The following B4GALT2 variants were observed in gnomAD, a reference collection of about 807,000 sequenced individuals.
B4GALT2 encodes the protein beta-1,4-galactosyltransferase 2.
B4GALT2 carries 18 observed loss-of-function variants against 33.2 expected under a neutral mutation model. The ratio of observed to expected loss-of-function variants is 0.54; its 90% CI spans 0.38 to 0.80. The LOEUF is 0.80. B4GALT2 is among the 30% of genes least tolerant of loss of function. The pLI is 0.00. For synonymous variants in B4GALT2, 214 were observed against 217.6 expected, an observed-to-expected ratio of 0.98 and a Z score of 0.15; for missense variants, 404 against 526.2, an observed-to-expected ratio of 0.77 and a Z score of 2.27.
intron 4 of B4GALT2, 83 bp downstream of exon 4, chr1:43,985,138 C>T: frequency 1.3e-6 from 2 of 1,578,906 alleles, no homozygotes; most frequent in Non-Finnish European, 8.6e-7. Context: ...GCCCCGCTTG[C>T]TCCTGGCTGT....
At chr1:43,989,242 AG>A (rs2085694827) in intron 6 of B4GALT2, among the ~76,000 whole-genome samples, 1 of 149,030 alleles carries the variant, frequency 6.7e-6, no homozygotes, top group Non-Finnish European at 1.5e-5. Flanking sequence ...GCTACTCAGA[AG>A]GCTGAGGCAG....
At chr1:43,980,426 G>C (rs1332135367) in intron 1 of B4GALT2, 14 of 520,212 alleles carry the variant, frequency 2.7e-5, no homozygotes, top group Non-Finnish European at 3.3e-5. Context: ...TTGACGTTTT[G>C]CTCCAGTGGG....
chr1:43,990,411 A>G lies in B4GALT2; in HGVS notation c.1082A>G (p.Asp361Gly). ...CCACTCTTCACCAATATCACAGTGG[A>G]CATTGGGCGGCCTCCGTCGTGGCCC... ...RQPLFTNITV[D>G]IGRPPSWPPR... The change falls in exon 7 of 7, where the codon GAC becomes GGC. Residue 361 changes from aspartate (D) to glycine (G), a missense_variant. Transcript: ENST00000372324. The G allele has an allele frequency of 6.2e-7, 1 of 1,614,098 alleles. No individual in the cohort carries two copies. Among genetic ancestry groups the G allele is most frequent in the African/African-American group, 1.3e-5 (1 of 75,012 alleles).
In B4GALT2 at chr1:43,982,922, T is replaced by G. The variant is rs2085616046; in HGVS notation, c.549+998T>G. On this transcript the variant is annotated intron_variant, in intron 3 of 6. Transcript: ENST00000372324. This position sits in a 1 kb window ranked among gnomAD's most constrained non-coding sequence, Gnocchi z 4.3. ...ATGCCCAGGAAAGAGGCGGTGACCC[T>G]GCGGATGTGTGGGGCGGGAGTCGCG... Among the ~76,000 whole-genome samples, 1 of 152,118 alleles carries G rather than the reference T, an allele frequency of 6.6e-6. No homozygotes were observed. The highest frequency in any genetic ancestry group is 2.1e-4 in the South Asian group (1 of 4,828).
In B4GALT2 at chr1:43,981,977, C is replaced by T. The variant is rs2085604664; in HGVS notation, c.549+53C>T. 21 of 1,561,098 alleles carry T rather than the reference C, an allele frequency of 1.3e-5. No homozygotes were observed. Among genetic ancestry groups the T allele is most frequent in the South Asian group, 4.6e-5 (4 of 87,840 alleles). On this transcript the variant is annotated intron_variant, in intron 3 of 6. Transcript: ENST00000372324. The surrounding 1 kb of genome is among the most constrained non-coding windows in gnomAD (Gnocchi z 8.1). ...TTGGTGTATATATGTGGGTTGGGGG[C>T]GTTTGTGGGTCCTTGTCTGCCCGTG...
chr1:43,985,677 A>G, intron 6 of B4GALT2, 56 bp downstream of exon 6: 1 of 1,537,880 alleles, frequency 6.5e-7, no homozygotes, highest in Non-Finnish European at 9.0e-7. Context: ...AATATCCCCA[A>G]CTCTTGACCC....
Position 43,981,769 on chromosome 1 carries a change from G to A in B4GALT2, c.394G>A (p.Gly132Ser), listed in dbSNP as rs1397383689. 5 of 1,613,560 alleles carry A rather than the reference G, an allele frequency of 3.1e-6. No homozygotes were observed. The highest frequency in any genetic ancestry group is 3.4e-6 in the Non-Finnish European group (4 of 1,180,008). The change falls in exon 3 of 7, where the codon GGC becomes AGC. Residue 132 changes from glycine (G) to serine (S), a missense_variant. Coordinates refer to ENST00000372324, the MANE Select transcript of B4GALT2 (RefSeq NM_003780.5). This position sits in a 1 kb window ranked among gnomAD's most constrained non-coding sequence, Gnocchi z 8.1. The part of the protein sequence containing the change: ...QRENPGVLMG[G>S]RYTPPDCTPA... ...GGAGAACCCAGGCGTGCTCATGGGC[G>A]GCCGATACACACCGCCCGACTGCAC...
chr1:43,985,426 G>T lies in B4GALT2; in HGVS notation c.863+26G>T, dbSNP rs201941315. 9.4e-4 allele frequency: 1,186 copies of T among 1,255,500 alleles called. 11 individuals carry two copies. Among genetic ancestry groups the T allele is most frequent in the Non-Finnish European group, 3.7e-4 (335 of 915,586 alleles). The allele number at this position is 1,255,500 out of a possible 1,614,324, so 77.8% of individuals were successfully genotyped here. A position where few individuals can be genotyped will look rare whatever the true frequency, so the allele number is the denominator to read the frequency against. Reference sequence around the variant, plus strand: ...GTGAGTAAGCACGCGGTGGGGAATAGGCTGGGTGGGGGGGGGAGGGGGGGT... The same window carrying T: ...GTGAGTAAGCACGCGGTGGGGAATATGCTGGGTGGGGGGGGGAGGGGGGGT... On this transcript the variant is annotated intron_variant, in intron 5 of 6. Coordinates refer to ENST00000372324, the MANE Select transcript of B4GALT2 (RefSeq NM_003780.5).
At chr1:43,986,577 T>C (rs2085661470) in intron 6 of B4GALT2, among the ~76,000 whole-genome samples, 1 of 152,174 alleles carries the variant, frequency 6.6e-6, no homozygotes, top group African/African-American at 2.4e-5. Flanking sequence ...TCTGAAACTA[T>C]TTGGTTTTAA....
In B4GALT2 at chr1:43,981,102, T is replaced by G; in HGVS notation, c.-52-7T>G. On this transcript the variant is annotated splice_region_variant and splice_polypyrimidine_tract_variant and intron_variant, in intron 1 of 6. Coordinates refer to ENST00000372324, the MANE Select transcript of B4GALT2 (RefSeq NM_003780.5). The surrounding 1 kb of genome is among the most constrained non-coding windows in gnomAD (Gnocchi z 8.1). The stretch of plus-strand genomic sequence containing the variant: ...TGCTGGATCTGTTTCCCTCCCACCC[T>G]GCTCAGGCCAGCAGCCGGATGCCCG... 6.4e-7 allele frequency: 1 copy of G among 1,568,806 alleles called. No individual in the cohort carries two copies. The highest frequency in any genetic ancestry group is 8.6e-7 in the Non-Finnish European group (1 of 1,163,530).
rs2231279 is a variant in B4GALT2, at chr1:43,980,663, C to G, written c.-52-446C>G. On this transcript the variant is annotated intron_variant, in intron 1 of 6. Coordinates refer to ENST00000372324, the MANE Select transcript of B4GALT2 (RefSeq NM_003780.5). ...TTCCCTCTTCCCCAAGCCATGAGTT[C>G]TGGGTTAAGGATGCTGCCATGTGAG... is the stretch of plus-strand genomic sequence containing the variant. 1.9e-3 allele frequency: 1,771 copies of G among 911,482 alleles called. 87 individuals are homozygous for G. The Admixed American group carries it at 0.083, about 43-fold the overall frequency. The allele number at this position is 911,482 out of a possible 1,614,324, so 56.5% of individuals were successfully genotyped here. A position where few individuals can be genotyped will look rare whatever the true frequency, so the allele number is the denominator to read the frequency against.
At chr1:43,983,971 G>A (rs957388546) in intron 3 of B4GALT2, among the ~76,000 whole-genome samples, 1 of 152,166 alleles carries the variant, frequency 6.6e-6, no homozygotes, top group African/African-American at 2.4e-5. Context: ...GCCACTCACC[G>A]ATCCCCTCTC....
In B4GALT2 at chr1:43,981,177, G is replaced by C. The variant is rs1163015626; in HGVS notation, c.17G>C (p.Gly6Ala). The change falls in exon 2 of 7, where the codon GGG (glycine) becomes GCG (alanine). Residue 6 changes from glycine (G) to alanine (A), a missense_variant. By Grantham distance (60) the Gly-to-Ala change is moderately conservative (BLOSUM62 0). Coordinates refer to ENST00000372324, the MANE Select transcript of B4GALT2 (RefSeq NM_003780.5). This position sits in a 1 kb window ranked among gnomAD's most constrained non-coding sequence, Gnocchi z 8.1. MSRLL[G>A]GTLERVCKAV... is the part of the protein sequence containing the mutation. ...GCCTGCGGGATGAGCAGACTGCTGG[G>C]GGGGACGCTGGAGCGCGTCTGCAAG... 2.5e-6 allele frequency: 4 copies of C among 1,599,924 alleles called. No individual in the cohort carries two copies. The highest frequency in any genetic ancestry group is 2.2e-5 in the East Asian group (1 of 44,878).
chr1:43,989,761 C>T (rs1228597582), intron 6 of B4GALT2, among the ~76,000 whole-genome samples: 1 of 152,204 alleles, frequency 6.6e-6, no homozygotes, highest in Non-Finnish European at 1.5e-5. Context: ...TCTCTTGTCC[C>T]ACCAAAGCTA....
intron 6 of B4GALT2, 70 bp from the exon 7 acceptor site, chr1:43,990,228 G>A (rs750239003): frequency 1.5e-5 from 23 of 1,581,764 alleles, no homozygotes; most frequent in Non-Finnish European, 1.9e-5. Flanking sequence ...TTAGTTGGTT[G>A]GGGGGTGTAG....
chr1:43,985,721 ACC>A, intron 6 of B4GALT2, 100 bp downstream of exon 6: 6 of 1,101,734 alleles, frequency 5.4e-6, no homozygotes, highest in Non-Finnish European at 8.2e-6. Context: ...CCAGTGGGGG[ACC>A]TCCAAGCATC....
rs147408396 is a variant in B4GALT2 at position 43,982,444 on chromosome 1, A to G, written c.549+520A>G. On this transcript the variant is annotated intron_variant, in intron 3 of 6. Coordinates refer to ENST00000372324, the MANE Select transcript of B4GALT2 (RefSeq NM_003780.5). The surrounding 1 kb of genome is among the most constrained non-coding windows in gnomAD (Gnocchi z 4.3). ...CTTGGACATGGGTCCCTCCCGTATGATGGGACACAAGTGGAGGTGGAGCAG... is the reference window on the plus strand; with the variant it reads ...CTTGGACATGGGTCCCTCCCGTATGGTGGGACACAAGTGGAGGTGGAGCAG... Among the ~76,000 whole-genome samples, 4 of 151,252 alleles carry G rather than the reference A, an allele frequency of 2.6e-5. No homozygotes were observed. The East Asian group carries it at 7.9e-4, about 30-fold the overall frequency.
At position 43,979,808 on chromosome 1, in the gene B4GALT2, A is replaced by G. The variant is rs2085573894; in HGVS notation, c.-53+297A>G. ...GCCTTTGCCTCATCCGCTGCCCTCC[A>G]CCCACTCCCCCTGCCCCCAGGCTCC... On this transcript the variant is annotated intron_variant, in intron 1 of 6. Transcript: ENST00000372324. This position sits in a 1 kb window ranked among gnomAD's most constrained non-coding sequence, Gnocchi z 4.8. 1.8e-6 allele frequency: 1 copy of G among 556,150 alleles called. No homozygotes were observed. The highest frequency in any genetic ancestry group is 2.1e-5 in the South Asian group (1 of 48,188). 34.5% of individuals were successfully genotyped at this position (556,150 alleles called of 1,614,324 possible).
intron 6 of B4GALT2, among the ~76,000 whole-genome samples, chr1:43,989,043 T>G (rs934139542): frequency 2.0e-5 from 3 of 151,966 alleles, no homozygotes; most frequent in African/African-American, 4.8e-5. Context: ...TTTGGTGGTG[T>G]TAACTTAAAA....
Sources: allele counts gnomAD v4.1 joint callset (sites outside exome capture counted in the v4.1 genomes callset), GRCh38; gene constraint gnomAD v4.1.1; non-coding constraint Gnocchi (gnomAD v3.1); transcripts MANE v1.5; gene names NCBI Gene and HGNC (gene_info 2026-07-23, HGNC 2026-07-21).